SDK1: variants seen among roughly 807,000 people sequenced by gnomAD.
SDK1 encodes sidekick cell adhesion molecule 1.
Under a neutral mutation model 245.5 loss-of-function variants are expected in SDK1, and 157 were observed. The observed-to-expected ratio is 0.64, with a 90% CI of 0.56 to 0.73. The LOEUF is 0.73. SDK1 is among the 30% of genes least tolerant of loss of function. The probability of loss-of-function intolerance (pLI) is 0.00; values close to 1 mark genes in which losing one functional copy is unlikely to be tolerated. For synonymous variants in SDK1, 1,647 were observed against 1,278.5 expected, an observed-to-expected ratio of 1.29 and a Z score of -6.15; for missense variants, 3,583 against 3,002.3, an observed-to-expected ratio of 1.19 and a Z score of -4.52.
chr7:3,679,511 G>A (rs1207308533), intron 4 of SDK1, among the ~76,000 whole-genome samples: 3 of 152,004 alleles, frequency 2.0e-5, no homozygotes, highest in Non-Finnish European at 4.4e-5. Context: ...AGCTTGCAGT[G>A]AGCCGAGATC....
At chr7:3,362,068 A>G (rs1780967239) in intron 1 of SDK1, among the ~76,000 whole-genome samples, 1 of 152,180 alleles carries the variant, frequency 6.6e-6, no homozygotes, top group South Asian at 2.1e-4. Context: ...AGGAAAGGAG[A>G]GAAAAATAAT....
At chr7:3,493,046 G>A (rs1382759496) in intron 1 of SDK1, among the ~76,000 whole-genome samples, 1 of 152,120 alleles carries the variant, frequency 6.6e-6, no homozygotes, top group Non-Finnish European at 1.5e-5. Flanking sequence ...TGCCTCCCGG[G>A]TTCACACCAT....
At chr7:3,621,722 T>A (rs996205558) in intron 2 of SDK1, among the ~76,000 whole-genome samples, 1 of 152,176 alleles carries the variant, frequency 6.6e-6, no homozygotes, top group Non-Finnish European at 1.5e-5. Flanking sequence ...CTTATCTGAG[T>A]CTTCCTGTGG....
At chr7:3,311,081 A>G (rs1241282147) in intron 1 of SDK1, among the ~76,000 whole-genome samples, 2 of 152,136 alleles carry the variant, frequency 1.3e-5, no homozygotes, top group Non-Finnish European at 2.9e-5. Context: ...GTGATGAGTC[A>G]CGGTAGTAGA....
At chr7:4,101,290 C>T (rs538263997) in intron 22 of SDK1, among the ~76,000 whole-genome samples, 20 of 152,054 alleles carry the variant, frequency 1.3e-4, no homozygotes, top group Admixed American at 2.6e-4. Context: ...TACAGGTGCC[C>T]GCCACCACAC....
intron 5 of SDK1, among the ~76,000 whole-genome samples, chr7:3,895,983 T>C (rs117228835): frequency 0.012 from 1,904 of 152,328 alleles, 18 homozygotes; most frequent in Non-Finnish European, 0.02. Context: ...TTTATTGAGA[T>C]TTGTTTTATG....
rs138049793 is a variant in SDK1 at position 3,971,473 on chromosome 7, G to A, written c.1722G>A (p.Thr574=). Residue 574 remains threonine (T), a synonymous_variant, in exon 12 of 45, where the codon ACG becomes ACA. Transcript: ENST00000404826. The part of the protein sequence containing the change: ...ASATLTVWNR[T]SIVHPPEDHV... ...GACTTGTGTTTTTTTCAGATCGGAC[G>A]TCCATCGTCCACCCTCCTGAGGACC... 2.0e-5 allele frequency: 32 copies of A among 1,611,244 alleles called. No homozygotes were observed. Among genetic ancestry groups the A allele is most frequent in the South Asian group, 3.3e-5 (3 of 90,642 alleles).
At chr7:3,751,140 A>G (rs1344563449) in intron 4 of SDK1, among the ~76,000 whole-genome samples, 1 of 152,216 alleles carries the variant, frequency 6.6e-6, no homozygotes, top group Non-Finnish European at 1.5e-5. Context: ...CTGTGTGGCT[A>G]CCAGCCTGAG....
At position 4,233,499 on chromosome 7, in the gene SDK1, G is replaced by A. The variant is rs113094606; in HGVS notation, c.5992+80G>A. On this transcript the variant is annotated intron_variant, in intron 41 of 44. Coordinates refer to ENST00000404826, the MANE Select transcript of SDK1 (RefSeq NM_152744.4). ...GGTCGAGGGGGACCCAGGGAGGTCT[G>A]TCTTCTCCTGAAGGGTGGGAGGGAG... 2.0e-3 allele frequency: 2,728 copies of A among 1,397,166 alleles called. 50 individuals carry two copies. The African/African-American group carries it at 0.035, about 18-fold the overall frequency. 86.5% of individuals were successfully genotyped at this position (1,397,166 alleles called of 1,614,324 possible).
At chr7:3,594,072 A>G (rs1471057580) in intron 1 of SDK1, among the ~76,000 whole-genome samples, 1 of 152,052 alleles carries the variant, frequency 6.6e-6, no homozygotes, top group Non-Finnish European at 1.5e-5. Flanking sequence ...CCCAAAAGAA[A>G]CCATGTACCT....
At chr7:3,495,511 A>G (rs1053644607) in intron 1 of SDK1, among the ~76,000 whole-genome samples, 2 of 152,116 alleles carry the variant, frequency 1.3e-5, no homozygotes, top group South Asian at 4.1e-4. Flanking sequence ...CTCCCGCCTC[A>G]GCCTCCCAAA....
In SDK1 at chr7:3,795,499, A is replaced by T. The variant is rs138320233; in HGVS notation, c.714-25951A>T. Among the ~76,000 whole-genome samples the T allele has an allele frequency of 1.5e-3, 230 of 152,308 alleles. 2 individuals are homozygous for T. Among genetic ancestry groups the T allele is most frequent in the African/African-American group, 5.3e-3 (220 of 41,572 alleles). On this transcript the variant is annotated intron_variant, in intron 4 of 44. Transcript: ENST00000404826. ...AGAAATGGGCTCTGAAAGGAATCTT[A>T]GTGACTTTAAAGAGCAAAGCTAGGA...
chr7:4,214,986 C>A (rs563974670), intron 38 of SDK1, among the ~76,000 whole-genome samples: 1 of 152,368 alleles, frequency 6.6e-6, no homozygotes, highest in South Asian at 2.1e-4. Context: ...CCCTGCCCCC[C>A]AGTGCCACCC....
At chr7:4,048,230 C>T (rs999690991) in intron 17 of SDK1, among the ~76,000 whole-genome samples, 5 of 152,108 alleles carry the variant, frequency 3.3e-5, no homozygotes, top group South Asian at 2.1e-4. Flanking sequence ...GCTTCTGTGC[C>T]TCACTTTAGA....
intron 1 of SDK1, among the ~76,000 whole-genome samples, chr7:3,559,354 G>A (rs939706233): frequency 1.3e-5 from 2 of 152,146 alleles, no homozygotes; most frequent in Non-Finnish European, 2.9e-5. Flanking sequence ...CGGTTATGCA[G>A]CATGGTGTTT....
chr7:3,834,020 T>C (rs571272684), intron 5 of SDK1, among the ~76,000 whole-genome samples: 27 of 152,318 alleles, frequency 1.8e-4, no homozygotes, highest in African/African-American at 6.5e-4. Flanking sequence ...GGAAGGATAC[T>C]GAGGGATGCA....
rs78334971 is a variant in SDK1, at chr7:3,545,567, T to C, written c.299-73513T>C. 4.9e-3 allele frequency among the ~76,000 whole-genome samples: 748 copies of C among 152,318 alleles called. 9 individuals are homozygous for C. The highest frequency in any genetic ancestry group is 0.017 in the African/African-American group (702 of 41,570). ...TGAATGTTTCCAGGACAAGGAGCCATTTCATCCTAGCACCTAGTTTACAGG... is the reference window on the plus strand; with the variant it reads ...TGAATGTTTCCAGGACAAGGAGCCACTTCATCCTAGCACCTAGTTTACAGG... On this transcript the variant is annotated intron_variant, in intron 1 of 44. Coordinates refer to ENST00000404826, the MANE Select transcript of SDK1 (RefSeq NM_152744.4).
Position 3,398,164 on chromosome 7 carries a change from A to T in SDK1, c.298+96280A>T, listed in dbSNP as rs377067119. Among the ~76,000 whole-genome samples the T allele has an allele frequency of 3.3e-5, 5 of 152,014 alleles. 1 individual carries two copies. The highest frequency in any genetic ancestry group is 2.9e-5 in the Non-Finnish European group (2 of 67,954). On this transcript the variant is annotated intron_variant, in intron 1 of 44. Coordinates refer to ENST00000404826, the MANE Select transcript of SDK1 (RefSeq NM_152744.4). ...GTTTTTCTGTAACTGTAGGTTTCAC[A>T]GGCTTTAGTTTCCCGTAGTATCCTT... is the stretch of plus-strand genomic sequence containing the variant.
At chr7:3,886,184 C>A (rs1489682993) in intron 5 of SDK1, among the ~76,000 whole-genome samples, 1 of 152,180 alleles carries the variant, frequency 6.6e-6, no homozygotes, top group Non-Finnish European at 1.5e-5. Context: ...TCTGGGCCTT[C>A]TACAGCAACT....
Sources: allele counts gnomAD v4.1 joint callset (sites outside exome capture counted in the v4.1 genomes callset), GRCh38; gene constraint gnomAD v4.1.1; transcripts MANE v1.5; gene names NCBI Gene and HGNC (gene_info 2026-07-23, HGNC 2026-07-21).